TENM4: variants seen among roughly 807,000 people sequenced by gnomAD.
The protein encoded by TENM4 is teneurin-4.
Under a neutral mutation model 243.3 loss-of-function variants are expected in TENM4, and 82 were observed. The observed-to-expected ratio is 0.34, with a 90% CI of 0.28 to 0.40. The LOEUF is 0.40. Among genes scored for constraint, TENM4 ranks in the 10% least tolerant of loss-of-function variants. The probability of loss-of-function intolerance (pLI) is 1.00; values close to 1 mark genes in which losing one functional copy is unlikely to be tolerated. For synonymous variants in TENM4, 1,412 were observed against 1,456.3 expected (o/e 0.97, Z 0.69); for missense variants, 3,138 against 3,673.3 (o/e 0.85, Z 3.77).
chr11:79,106,852 T>C (rs1025165831), intron 4 of TENM4, among the ~76,000 whole-genome samples: 2 of 152,222 alleles, frequency 1.3e-5, no homozygotes, highest in South Asian at 2.1e-4. Flanking sequence ...AGCTATAATG[T>C]AAGTAGATTA....
rs115961875 is a variant in TENM4 at position 79,083,995 on chromosome 11, A to G, written c.-65-13986T>C. Among the ~76,000 whole-genome samples, 528 of 152,342 alleles carry G rather than the reference A, an allele frequency of 3.5e-3. 2 individuals are homozygous for G. The highest frequency in any genetic ancestry group is 0.012 in the African/African-American group (506 of 41,578). On this transcript the variant is annotated intron_variant, in intron 4 of 33. Transcript: ENST00000278550. ...TGTGTGTGTGTGTATACACATATAT[A>G]TATGAAACTTTCAAAATGCAACAGT... is the stretch of plus-strand genomic sequence containing the variant.
At chr11:78,835,594 C>T (rs186085756) in intron 12 of TENM4, among the ~76,000 whole-genome samples, 26 of 152,338 alleles carry the variant, frequency 1.7e-4, no homozygotes, top group Non-Finnish European at 1.5e-5. Context: ...TCCTCATCCT[C>T]CTTTTCTGGC....
At chr11:78,685,780 C>CA (rs1367004375) in intron 29 of TENM4, among the ~76,000 whole-genome samples, 3 of 152,180 alleles carry the variant, frequency 2.0e-5, no homozygotes, top group Non-Finnish European at 4.4e-5. Flanking sequence ...GGTGGTCCTG[C>CA]AGTCCTTGGT....
chr11:79,069,677 A>G, intron 5 of TENM4, 45 bp downstream of exon 5: 1 of 1,519,596 alleles, frequency 6.6e-7, no homozygotes, highest in Non-Finnish European at 8.8e-7. Context: ...TACCTGAGCC[A>G]AGCTCACCTG....
chr11:79,393,531 G>T (rs1198700467), intron 1 of TENM4, among the ~76,000 whole-genome samples: 2 of 152,222 alleles, frequency 1.3e-5, no homozygotes, highest in African/African-American at 4.8e-5. Flanking sequence ...TCCCACTTCT[G>T]AAGTCTTAAA....
rs368848958 is a variant in TENM4 at position 78,712,507 on chromosome 11, T to A, written c.4029A>T (p.Thr1343=). Residue 1343 remains threonine, a synonymous_variant, in exon 26 of 34, where the codon ACA becomes ACT. Coordinates refer to ENST00000278550, the MANE Select transcript of TENM4 (RefSeq NM_001098816.3). ...DTRCGDGGKA[T]EATLTNPRGI... ...CCCTGGGATTGGTGAGTGTGGCTTCTGTGGCCTTCCCACCATCCCCGCAGC... is the reference window on the plus strand; with the variant it reads ...CCCTGGGATTGGTGAGTGTGGCTTCAGTGGCCTTCCCACCATCCCCGCAGC... 1.7e-5 allele frequency: 27 copies of A among 1,613,896 alleles called. 1 individual carries two copies. The highest frequency in any genetic ancestry group is 1.2e-4 in the South Asian group (11 of 91,084).
chr11:78,926,677 G>GTT (rs754243078), intron 6 of TENM4, among the ~76,000 whole-genome samples: 48 of 127,290 alleles, frequency 3.8e-4, no homozygotes, highest in African/African-American at 1.3e-3. Flanking sequence ...GGTGTTTTTT[G>GTT]TTTTTTTTTT....
At chr11:79,086,592 G>C (rs1486474205) in intron 4 of TENM4, among the ~76,000 whole-genome samples, 1 of 152,172 alleles carries the variant, frequency 6.6e-6, no homozygotes, top group African/African-American at 2.4e-5. Context: ...CCAGCACTTT[G>C]GGAGGCTGAG....
intron 18 of TENM4, among the ~76,000 whole-genome samples, chr11:78,769,553 CAACTCTA>C (rs1856607137): frequency 6.6e-6 from 1 of 152,136 alleles, no homozygotes; most frequent in East Asian, 1.9e-4. Context: ...GTATAGGGCC[CAACTCTA>C]AAATAAGAAC....
intron 7 of TENM4, among the ~76,000 whole-genome samples, chr11:78,899,401 T>C (rs1855874372): frequency 6.6e-6 from 1 of 151,960 alleles, no homozygotes; most frequent in African/African-American, 2.4e-5. Flanking sequence ...AAGACCATCC[T>C]GATCTCTACA....
At chr11:78,812,547 C>T (rs1186567368) in intron 13 of TENM4, among the ~76,000 whole-genome samples, 1 of 152,188 alleles carries the variant, frequency 6.6e-6, no homozygotes, top group South Asian at 2.1e-4. Flanking sequence ...GGGTAGGTAT[C>T]CACTTAACCC....
chr11:79,372,932 G>T (rs1647615166), intron 1 of TENM4, among the ~76,000 whole-genome samples: 1 of 152,144 alleles, frequency 6.6e-6, no homozygotes, highest in African/African-American at 2.4e-5. Context: ...CAGCCTGCTG[G>T]GGAATCAACC....
intron 3 of TENM4, among the ~76,000 whole-genome samples, chr11:79,164,357 T>G (rs1183214683): frequency 2.4e-5 from 2 of 82,062 alleles, no homozygotes; most frequent in South Asian, 3.1e-4. Flanking sequence ...ATAGATACTA[T>G]ATATACTATA....
rs1031934901 is a variant in TENM4, at chr11:79,344,344, G to A, written c.-320-46801C>T. On this transcript the variant is annotated intron_variant, in intron 1 of 33. Coordinates refer to ENST00000278550, the MANE Select transcript of TENM4 (RefSeq NM_001098816.3). ...GTCTCTTCCCTATGGGCTAGGGGAG[G>A]TGAGGTGAGGAAGTCAGAGAAGGGA... is the stretch of plus-strand genomic sequence containing the variant. Among the ~76,000 whole-genome samples the A allele has an allele frequency of 2.0e-5, 3 of 152,144 alleles. No individual in the cohort carries two copies. The East Asian group carries it at 5.8e-4, about 29-fold the overall frequency.
intron 12 of TENM4, among the ~76,000 whole-genome samples, chr11:78,845,139 T>C (rs1404303891): frequency 6.6e-6 from 1 of 152,202 alleles, no homozygotes; most frequent in Admixed American, 6.5e-5. Flanking sequence ...GGCCACATTA[T>C]ACTAGAATTA....
chr11:78,723,927 T>A (rs1257702503), intron 23 of TENM4, among the ~76,000 whole-genome samples: 1 of 152,194 alleles, frequency 6.6e-6, no homozygotes, highest in Non-Finnish European at 1.5e-5. Flanking sequence ...AGGAAATCCT[T>A]TCCTGAGATT....
At chr11:79,060,865 A>T (rs1340705098) in intron 6 of TENM4, among the ~76,000 whole-genome samples, 3 of 152,186 alleles carry the variant, frequency 2.0e-5, no homozygotes, top group Non-Finnish European at 4.4e-5. Context: ...AGAAGTGACC[A>T]CACTGTGATG....
chr11:79,187,351 CT>C lies in TENM4; in HGVS notation c.-163+28456del, dbSNP rs568238780. 6.6e-5 allele frequency among the ~76,000 whole-genome samples: 10 copies of C among 152,324 alleles called. No homozygotes were observed. In the South Asian group the frequency reaches 1.9e-3, roughly 28 times the overall value. ...GACGAGGCAACCACTGGGCTGGCTA[CT>C]TGCTAACATGGTGTCCACAACTCCT... On this transcript the variant is annotated intron_variant, in intron 3 of 33. Transcript: ENST00000278550.
At chr11:78,847,637 AGT>A (rs1858429583) in intron 12 of TENM4, among the ~76,000 whole-genome samples, 1 of 152,232 alleles carries the variant, frequency 6.6e-6, no homozygotes, top group Non-Finnish European at 1.5e-5. Context: ...TTTCCAAAGA[AGT>A]GTTTCCATTA....
Sources: gnomAD v4.1 joint callset for allele counts (sites outside exome capture counted in the v4.1 genomes callset) on GRCh38, gnomAD v4.1.1 for gene constraint, MANE v1.5 for transcripts, NCBI Gene and HGNC (gene_info 2026-07-23, HGNC 2026-07-21) for gene names.